Variants in PRELID2 observed in about 807,000 individuals in gnomAD.
The protein encoded by PRELID2 is PRELI domain containing 2, also known as PRELI domain-containing protein 2.
A neutral mutation model predicts 28.4 loss-of-function variants in PRELID2; 25 were observed. That is an observed-to-expected ratio of 0.88 (90% CI 0.64 to 1.23). PRELID2 has a LOEUF of 1.23. Among genes scored for constraint, PRELID2 ranks in the 50% most tolerant of loss-of-function variants. The probability of loss-of-function intolerance (pLI) is 0.00; values close to 1 mark genes in which losing one functional copy is unlikely to be tolerated. For synonymous variants in PRELID2, 76 were observed against 71.6 expected (o/e 1.06, Z -0.31); for missense variants, 201 against 214.4 (o/e 0.94, Z 0.39).
Position 145,823,142 on chromosome 5 carries a change from A to G in PRELID2, c.76-8T>C. ...ATCCATGGGGTTGGGGTACTAAACA[A>G]AAATATATAAAAAAGAATTACCATT... On this transcript the variant is annotated splice_region_variant and splice_polypyrimidine_tract_variant and intron_variant, in intron 1 of 6. Coordinates refer to ENST00000683046, the MANE Select transcript of PRELID2 (RefSeq NM_205846.3). The G allele has an allele frequency of 7.5e-7, 1 of 1,328,260 alleles. No individual in the cohort carries two copies. Among genetic ancestry groups the G allele is most frequent in the African/African-American group, 1.4e-5 (1 of 69,086 alleles). 82.3% of individuals were successfully genotyped at this position (1,328,260 alleles called of 1,614,324 possible). A position where few individuals can be genotyped will look rare whatever the true frequency, so the allele number is the denominator to read the frequency against.
chr5:145,705,855 T>A (rs904946240), intron 1 of PRELID2, among the ~76,000 whole-genome samples: 2 of 151,928 alleles, frequency 1.3e-5, no homozygotes, highest in Admixed American at 6.6e-5. Context: ...TTCTTGTGAT[T>A]TTTTTCTCAC....
chr5:145,712,014 G>A (rs1755708930), intron 1 of PRELID2, among the ~76,000 whole-genome samples: 1 of 152,172 alleles, frequency 6.6e-6, no homozygotes, highest in Admixed American at 6.5e-5. Flanking sequence ...AAACCCTACT[G>A]AAGGGAGACT....
chr5:145,389,076 C>T, the PRELID2 span, among the ~76,000 whole-genome samples: 14 of 152,248 alleles, frequency 9.2e-5, no homozygotes, highest in African/African-American at 3.4e-4. Context: ...AATGAATATC[C>T]TGAATTACAT....
the PRELID2 span, among the ~76,000 whole-genome samples, chr5:145,268,462 C>G: frequency 2.0e-5 from 3 of 152,080 alleles, no homozygotes; most frequent in African/African-American, 7.2e-5. Context: ...ATGCCGCCTT[C>G]CTGGGCTTCC....
intron 1 of PRELID2, among the ~76,000 whole-genome samples, chr5:145,726,126 G>A (rs547832381): frequency 1.6e-3 from 237 of 151,582 alleles, no homozygotes; most frequent in Middle Eastern, 3.4e-3. Flanking sequence ...CCCTGATCCT[G>A]CCACTGCACT....
intron 1 of PRELID2, among the ~76,000 whole-genome samples, chr5:145,489,043 G>A (rs1400593214): frequency 6.6e-6 from 1 of 152,160 alleles, no homozygotes; most frequent in Non-Finnish European, 1.5e-5. Context: ...AAGAGGAAAA[G>A]AGAGTTCAAA....
the PRELID2 span, among the ~76,000 whole-genome samples, chr5:145,241,893 G>C: frequency 6.6e-6 from 1 of 151,746 alleles, no homozygotes; most frequent in African/African-American, 2.4e-5. Context: ...GAAAATCCAG[G>C]AGGAAACATT....
At chr5:145,284,309 T>A in the PRELID2 span, among the ~76,000 whole-genome samples, 1 of 152,200 alleles carries the variant, frequency 6.6e-6, no homozygotes, top group African/African-American at 2.4e-5. Context: ...TAACAATCTA[T>A]CTAGGTTCAG....
chr5:145,617,424 T>G, intron 1 of PRELID2, among the ~76,000 whole-genome samples: 1 of 152,334 alleles, frequency 6.6e-6, no homozygotes, highest in Admixed American at 6.5e-5. Context: ...TAAAGGTCCA[T>G]GAAATCTTCA....
chr5:145,266,589 T>A, the PRELID2 span, among the ~76,000 whole-genome samples: 1 of 152,136 alleles, frequency 6.6e-6, no homozygotes, highest in African/African-American at 2.4e-5. Flanking sequence ...ACACTGTTAG[T>A]GGGAATGTAA....
At chr5:145,337,084 C>T in the PRELID2 span, among the ~76,000 whole-genome samples, 6 of 150,942 alleles carry the variant, frequency 4.0e-5, no homozygotes, top group Non-Finnish European at 1.5e-5. Context: ...GCACATTGTG[C>T]ACATGTACCC....
the PRELID2 span, among the ~76,000 whole-genome samples, chr5:145,287,988 G>A: frequency 6.6e-6 from 1 of 152,128 alleles, no homozygotes; most frequent in Non-Finnish European, 1.5e-5. Flanking sequence ...TAATTAGACT[G>A]GGGTCATAGG....
chr5:145,636,158 C>G (rs1249047555), intron 1 of PRELID2, among the ~76,000 whole-genome samples: 6 of 152,182 alleles, frequency 3.9e-5, no homozygotes, highest in Admixed American at 2.6e-4. Flanking sequence ...ATACAACTCC[C>G]TATGATGGGT....
At chr5:145,749,278 AAAAC>A (rs970856699) in intron 1 of PRELID2, among the ~76,000 whole-genome samples, 1 of 152,050 alleles carries the variant, frequency 6.6e-6, no homozygotes, top group African/African-American at 2.4e-5. Context: ...TTACAAGAAA[AAAAC>A]AACCCCATCA....
the PRELID2 span, among the ~76,000 whole-genome samples, chr5:145,446,666 C>T: frequency 2.0e-5 from 3 of 152,002 alleles, no homozygotes; most frequent in East Asian, 6.0e-4. Context: ...ACAAATTATC[C>T]CGTATTATCA....
the PRELID2 span, among the ~76,000 whole-genome samples, chr5:145,393,505 A>T: frequency 6.6e-6 from 1 of 152,214 alleles, no homozygotes; most frequent in African/African-American, 2.4e-5. Flanking sequence ...TGTAGGGCTG[A>T]CACATGGTCT....
intron 1 of PRELID2, among the ~76,000 whole-genome samples, chr5:145,651,792 C>A (rs1754302518): frequency 6.6e-6 from 1 of 152,294 alleles, no homozygotes; most frequent in African/African-American, 2.4e-5. Flanking sequence ...GATAAAACCA[C>A]AAAGATGGGG....
the PRELID2 span, among the ~76,000 whole-genome samples, chr5:145,406,468 C>G: frequency 2.0e-5 from 3 of 152,154 alleles, no homozygotes; most frequent in Non-Finnish European, 2.9e-5. Flanking sequence ...AAAGAATTAA[C>G]AAGTTTTTGT....
the PRELID2 span, among the ~76,000 whole-genome samples, chr5:145,413,014 C>A: frequency 6.6e-6 from 1 of 152,088 alleles, no homozygotes; most frequent in African/African-American, 2.4e-5. Flanking sequence ...ACCTGTCCCC[C>A]CTTGACACAT....
Sources: allele counts gnomAD v4.1 joint callset (sites outside exome capture counted in the v4.1 genomes callset), GRCh38; gene constraint gnomAD v4.1.1; transcripts MANE v1.5; gene names NCBI Gene and HGNC (gene_info 2026-07-23, HGNC 2026-07-21).